The following RAB7A variants were observed in gnomAD, a reference collection of about 807,000 sequenced individuals.
RAB7A encodes RAB7A, member RAS oncogene family.
Under a neutral mutation model 24.5 loss-of-function variants are expected in RAB7A, and 2 were observed. The observed-to-expected ratio is 0.08, with a 90% confidence interval of 0.03 to 0.26. The LOEUF (loss-of-function observed/expected upper bound fraction) is 0.26, where lower values mean the gene tolerates loss of function less well. Among genes scored for constraint, RAB7A ranks in the 10% least tolerant of loss-of-function variants. The probability of loss-of-function intolerance (pLI) is 1.00; values close to 1 mark genes in which losing one functional copy is unlikely to be tolerated. For synonymous variants in RAB7A, 100 were observed against 95.9 expected, an observed-to-expected ratio of 1.04 and a Z score of -0.25; for missense variants, 118 against 255.7, an observed-to-expected ratio of 0.46 and a Z score of 3.67.
intron 1 of RAB7A, among the ~76,000 whole-genome samples, chr3:128,729,029 C>T (rs2070408104): frequency 6.6e-6 from 1 of 152,134 alleles, no homozygotes; most frequent in Non-Finnish European, 1.5e-5. Flanking sequence ...TGTGGTAGAA[C>T]TGCATAAGTA....
chr3:128,763,731 T>C (rs2070797593), intron 1 of RAB7A, among the ~76,000 whole-genome samples: 1 of 152,256 alleles, frequency 6.6e-6, no homozygotes, highest in Non-Finnish European at 1.5e-5. Flanking sequence ...TCTTTTAGTT[T>C]CCCATCCACC....
intron 1 of RAB7A, among the ~76,000 whole-genome samples, chr3:128,783,671 G>A (rs73198843): frequency 0.1 from 15,141 of 152,164 alleles, 888 homozygotes; most frequent in African/African-American, 0.17. Context: ...TGGCCTGCCA[G>A]GATAACTTAC....
At chr3:128,812,588 G>A (rs540186102) in intron 5 of RAB7A, among the ~76,000 whole-genome samples, 6 of 152,318 alleles carry the variant, frequency 3.9e-5, no homozygotes, top group Admixed American at 3.9e-4. Context: ...AAGTGACATT[G>A]TTTTCCTGCA....
chr3:128,787,172 A>C, intron 1 of RAB7A, among the ~76,000 whole-genome samples: 1 of 152,176 alleles, frequency 6.6e-6, no homozygotes, highest in Non-Finnish European at 1.5e-5. Flanking sequence ...AGAAAAGCCA[A>C]CTGTGATTAG....
At chr3:128,770,266 G>C (rs1222481766) in intron 1 of RAB7A, among the ~76,000 whole-genome samples, 1 of 152,184 alleles carries the variant, frequency 6.6e-6, no homozygotes, top group African/African-American at 2.4e-5. Context: ...CTCCCAAAGT[G>C]CTGGGATTAC....
chr3:128,805,019 T>C (rs946723614), intron 3 of RAB7A, among the ~76,000 whole-genome samples: 4 of 152,152 alleles, frequency 2.6e-5, no homozygotes, highest in African/African-American at 9.7e-5. Flanking sequence ...ATGTGCAGTC[T>C]AGGAGTGCAG....
intron 1 of RAB7A, among the ~76,000 whole-genome samples, chr3:128,763,188 TTATATATA>T (rs765866649): frequency 1.2e-5 from 1 of 82,118 alleles, no homozygotes. Context: ...TACATTTAGC[TTATATATA>T]TATATATATA....
At chr3:128,775,556 G>A (rs928460648) in intron 1 of RAB7A, among the ~76,000 whole-genome samples, 12 of 152,314 alleles carry the variant, frequency 7.9e-5, no homozygotes, top group African/African-American at 2.6e-4. Context: ...TCCTGAGCAG[G>A]CATAATGTTA....
chr3:128,781,819 C>T (rs1933228110), intron 1 of RAB7A, among the ~76,000 whole-genome samples: 2 of 152,122 alleles, frequency 1.3e-5, no homozygotes, highest in South Asian at 2.1e-4. Context: ...TCGAGACCAA[C>T]CTGGGCAACA....
chr3:128,813,727 A>T lies in RAB7A; in HGVS notation c.*305A>T. 3 of 441,678 alleles carry T rather than the reference A, an allele frequency of 6.8e-6. No homozygotes were observed. The highest frequency in any genetic ancestry group is 6.3e-5 in the South Asian group (3 of 47,686). 27.4% of individuals were successfully genotyped at this position (441,678 alleles called of 1,614,324 possible). On this transcript the variant is annotated 3_prime_UTR_variant, in exon 6 of 6. Coordinates refer to ENST00000265062, the MANE Select transcript of RAB7A (RefSeq NM_004637.6). ...GGCAGCAGGACAAGCCAGCGGTGGA[A>T]GTCATTCTGATATGGAGTTGGCATT...
intron 1 of RAB7A, among the ~76,000 whole-genome samples, chr3:128,737,256 G>A (rs181525500): frequency 3.7e-4 from 56 of 151,470 alleles, no homozygotes; most frequent in African/African-American, 1.3e-3. Flanking sequence ...AGCCAGGATG[G>A]TCTCGATCTC....
intron 1 of RAB7A, among the ~76,000 whole-genome samples, chr3:128,754,820 TAATA>T (rs1223377276): frequency 6.6e-6 from 1 of 152,142 alleles, no homozygotes; most frequent in African/African-American, 2.4e-5. Flanking sequence ...CATTATATAT[TAATA>T]AAAGGTTTAA....
At chr3:128,797,586 G>T (rs906624302) in intron 2 of RAB7A, among the ~76,000 whole-genome samples, 4 of 152,234 alleles carry the variant, frequency 2.6e-5, no homozygotes, top group Non-Finnish European at 4.4e-5. Flanking sequence ...CAGGGATACT[G>T]TTGGAATAGC....
At chr3:128,786,069 CA>C (rs1933333401) in intron 1 of RAB7A, among the ~76,000 whole-genome samples, 1 of 152,218 alleles carries the variant, frequency 6.6e-6, no homozygotes, top group African/African-American at 2.4e-5. Context: ...GCCCCCTCCC[CA>C]GAATGAATAT....
Position 128,782,239 on chromosome 3 carries a change from C to T in RAB7A, c.-8-13121C>T, listed in dbSNP as rs139325883. 9.2e-5 allele frequency among the ~76,000 whole-genome samples: 14 copies of T among 152,332 alleles called. No individual in the cohort carries two copies. The South Asian group carries it at 2.1e-3, about 23-fold the overall frequency. ...ATAGAACCTGGCCTGCTACCTTGCA[C>T]ATGACTAGCTATGGAGCCTTAGACA... On this transcript the variant is annotated intron_variant, in intron 1 of 5. Coordinates refer to ENST00000265062, the MANE Select transcript of RAB7A (RefSeq NM_004637.6).
At chr3:128,799,548 G>A (rs1933653162) in intron 3 of RAB7A, among the ~76,000 whole-genome samples, 1 of 152,082 alleles carries the variant, frequency 6.6e-6, no homozygotes, top group Admixed American at 6.6e-5. Flanking sequence ...TGTTGACCTC[G>A]AGCCATGGCA....
At chr3:128,746,825 G>A (rs577377998) in intron 1 of RAB7A, among the ~76,000 whole-genome samples, 21 of 151,142 alleles carry the variant, frequency 1.4e-4, no homozygotes, top group Non-Finnish European at 2.8e-4. Flanking sequence ...CACCCGGCCC[G>A]GCCGGGGTTC....
intron 1 of RAB7A, among the ~76,000 whole-genome samples, chr3:128,728,807 C>G (rs2070406020): frequency 6.6e-6 from 1 of 152,166 alleles, no homozygotes; most frequent in Non-Finnish European, 1.5e-5. Flanking sequence ...TAGTCCATGT[C>G]ACTACTGTAA....
chr3:128,750,446 G>C (rs1418451470), intron 1 of RAB7A, among the ~76,000 whole-genome samples: 1 of 152,100 alleles, frequency 6.6e-6, no homozygotes, highest in Non-Finnish European at 1.5e-5. Context: ...ATTTTTAGTA[G>C]AGACGGGTTT....
Sources: allele counts gnomAD v4.1 joint callset (sites outside exome capture counted in the v4.1 genomes callset), GRCh38; gene constraint gnomAD v4.1.1; transcripts MANE v1.5; gene names NCBI Gene and HGNC (gene_info 2026-07-23, HGNC 2026-07-21).